Variants in TMEM135 observed in about 807,000 individuals in gnomAD.
TMEM135 encodes the protein transmembrane protein 135, also known as peroxisomal membrane protein 52.
TMEM135 carries 30 observed loss-of-function variants against 60.3 expected under a neutral mutation model. The ratio of observed to expected loss-of-function variants is 0.50; its 90% CI spans 0.37 to 0.68. The LOEUF is 0.68. Among genes scored for constraint, TMEM135 ranks in the 30% least tolerant of loss-of-function variants. The pLI is 0.00. For synonymous variants in TMEM135, 190 were observed against 186.7 expected (o/e 1.02, Z -0.14); for missense variants, 468 against 548.8 (o/e 0.85, Z 1.47).
At chr11:87,217,472 T>C (rs1940526428) in intron 5 of TMEM135, among the ~76,000 whole-genome samples, 1 of 152,130 alleles carries the variant, frequency 6.6e-6, no homozygotes, top group Admixed American at 6.6e-5. Context: ...AAAAATGGAT[T>C]TCAAATAGAA....
At chr11:87,262,439 T>G (rs534471364) in intron 6 of TMEM135, among the ~76,000 whole-genome samples, 2 of 152,248 alleles carry the variant, frequency 1.3e-5, no homozygotes, top group Non-Finnish European at 2.9e-5. Context: ...TCATCTAAAA[T>G]GTAGGTAATA....
At position 87,067,799 on chromosome 11, in the gene TMEM135, A is replaced by G; in HGVS notation, c.247A>G (p.Met83Val). The G allele has an allele frequency of 6.2e-7, 1 of 1,613,850 alleles. No individual in the cohort carries two copies. The highest frequency in any genetic ancestry group is 8.5e-7 in the Non-Finnish European group (1 of 1,179,880). ...TCTAACTGCTAATGGGGCCTTGTAT[A>G]TGGCTTTCTTTTGCATTTTAAGGTT... ...SFLTANGALY[M>V]AFFCILRKIL... Residue 83 changes from methionine to valine, a missense_variant, in exon 2 of 15, where the codon ATG (methionine) becomes GTG (valine). Transcript: ENST00000305494.
chr11:87,237,590 T>C (rs1295182132), intron 6 of TMEM135, among the ~76,000 whole-genome samples: 1 of 151,986 alleles, frequency 6.6e-6, no homozygotes, highest in African/African-American at 2.4e-5. Context: ...TTTTAATTTT[T>C]GTGGGGACAT....
At chr11:87,067,470 C>T (rs1478788787) in intron 1 of TMEM135, among the ~76,000 whole-genome samples, 4 of 152,024 alleles carry the variant, frequency 2.6e-5, no homozygotes, top group Non-Finnish European at 5.9e-5. Context: ...GATTATTCAA[C>T]GTATGACCCA....
chr11:87,172,286 A>C (rs1365837209), intron 5 of TMEM135, among the ~76,000 whole-genome samples: 1 of 152,140 alleles, frequency 6.6e-6, no homozygotes, highest in Non-Finnish European at 1.5e-5. Flanking sequence ...CTTTGAACTC[A>C]AGGAAGGTAC....
At chr11:87,268,691 A>ACAATT (rs1941802125) in intron 6 of TMEM135, among the ~76,000 whole-genome samples, 1 of 152,000 alleles carries the variant, frequency 6.6e-6, no homozygotes, top group Non-Finnish European at 1.5e-5. Context: ...TTTTGGCTGC[A>ACAATT]CAATTAGTAA....
chr11:87,106,491 G>A (rs1378588897), intron 4 of TMEM135, among the ~76,000 whole-genome samples: 1 of 152,120 alleles, frequency 6.6e-6, no homozygotes, highest in African/African-American at 2.4e-5. Flanking sequence ...TGGCATCTAT[G>A]TTCATCAGGG....
chr11:87,281,615 G>C (rs1267175792), intron 6 of TMEM135, among the ~76,000 whole-genome samples: 1 of 152,192 alleles, frequency 6.6e-6, no homozygotes, highest in Admixed American at 6.5e-5. Flanking sequence ...TATACTTGGC[G>C]TGTATGGTAG....
chr11:87,138,063 A>T (rs1938152827), intron 4 of TMEM135, among the ~76,000 whole-genome samples: 1 of 147,704 alleles, frequency 6.8e-6, no homozygotes, highest in South Asian at 2.2e-4. Flanking sequence ...GACATTTATG[A>T]TGTTTAAAAA....
rs1256932733 is a variant in TMEM135 at position 87,327,669 on chromosome 11, G to T, written c.*6336G>T. On this transcript the variant is annotated 3_prime_UTR_variant, in exon 15 of 15. Coordinates refer to ENST00000305494, the MANE Select transcript of TMEM135 (RefSeq NM_022918.4). ...ACCTGGAGACCTTGGGATGCTGGTG[G>T]TCTGGCTCAGTACAAGTCCAAAAGC... 1 of 453,908 alleles carries T rather than the reference G, an allele frequency of 2.2e-6. No individual in the cohort carries two copies. Among genetic ancestry groups the T allele is most frequent in the Non-Finnish European group, 4.4e-6 (1 of 226,792 alleles). The allele number at this position is 453,908 out of a possible 1,614,324, so 28.1% of individuals were successfully genotyped here.
rs542087164 is a variant in TMEM135, at chr11:87,138,988, G to C, written c.397-18353G>C. ...CCTACGAGTATGACATGCAGGCTCT[G>C]TTTCATCTTTCCTGGATTATTCATC... On this transcript the variant is annotated intron_variant, in intron 4 of 14. Transcript: ENST00000305494. Among the ~76,000 whole-genome samples, 3 of 152,252 alleles carry C rather than the reference G, an allele frequency of 2.0e-5. No individual in the cohort carries two copies. In the South Asian group the frequency reaches 6.2e-4, roughly 32 times the overall value.
At chr11:87,087,181 CA>C (rs1857113553) in intron 3 of TMEM135, among the ~76,000 whole-genome samples, 1 of 151,420 alleles carries the variant, frequency 6.6e-6, no homozygotes, top group East Asian at 1.9e-4. Flanking sequence ...AAGAACAGCT[CA>C]AAAACTCCGA....
chr11:87,114,445 TA>T (rs1857827541), intron 4 of TMEM135, among the ~76,000 whole-genome samples: 1 of 152,104 alleles, frequency 6.6e-6, no homozygotes, highest in Non-Finnish European at 1.5e-5. Flanking sequence ...ACAAGCTCCG[TA>T]AAAAACAACA....
intron 5 of TMEM135, among the ~76,000 whole-genome samples, chr11:87,203,777 C>A (rs535869715): frequency 5.3e-5 from 8 of 152,270 alleles, no homozygotes; most frequent in African/African-American, 1.9e-4. Context: ...TTGTAAGAAA[C>A]CACCAAACTG....
rs559913927 is a variant in TMEM135 at position 87,119,448 on chromosome 11, A to G, written c.396+28053A>G. Among the ~76,000 whole-genome samples the G allele has an allele frequency of 5.0e-4, 76 of 152,368 alleles. 1 individual carries two copies. The South Asian group carries it at 0.016, about 31-fold the overall frequency. ...CCAGGCGCGATGGCTCATGCGTGTA[A>G]TCGCAGCACTTTGGGAGGCCAAGGA... On this transcript the variant is annotated intron_variant, in intron 4 of 14. Coordinates refer to ENST00000305494, the MANE Select transcript of TMEM135 (RefSeq NM_022918.4).
chr11:87,157,602 A>G lies in TMEM135; in HGVS notation c.462+196A>G, dbSNP rs560268644. The G allele has an allele frequency of 2.6e-3, 1,387 of 524,626 alleles. 9 individuals are homozygous for G. The highest frequency in any genetic ancestry group is 3.7e-3 in the Non-Finnish European group (1,081 of 292,916). The allele number at this position is 524,626 out of a possible 1,614,324, so 32.5% of individuals were successfully genotyped here. A position where few individuals can be genotyped will look rare whatever the true frequency, so the allele number is the denominator to read the frequency against. On this transcript the variant is annotated intron_variant, in intron 5 of 14. Coordinates refer to ENST00000305494, the MANE Select transcript of TMEM135 (RefSeq NM_022918.4). ...TGGAACCAGATCTTAGATTGAAAACAAATTACTGTCTTTTTACCTTTAGTT... is the reference window on the plus strand; with the variant it reads ...TGGAACCAGATCTTAGATTGAAAACGAATTACTGTCTTTTTACCTTTAGTT...
chr11:87,253,632 C>CAT (rs60680451), intron 6 of TMEM135, among the ~76,000 whole-genome samples: 2 of 128,300 alleles, frequency 1.6e-5, no homozygotes, highest in African/African-American at 2.9e-5. Flanking sequence ...AAGGATGAGC[C>CAT]ATATATATAT....
chr11:87,194,373 C>G (rs654152), intron 5 of TMEM135, among the ~76,000 whole-genome samples: 20,022 of 152,188 alleles, frequency 0.13, 1,374 homozygotes, highest in Non-Finnish European at 0.15. Context: ...TAACTGTATA[C>G]TATTCTGCAA....
At chr11:87,188,101 G>C (rs937603601) in intron 5 of TMEM135, among the ~76,000 whole-genome samples, 1 of 152,068 alleles carries the variant, frequency 6.6e-6, no homozygotes, top group Non-Finnish European at 1.5e-5. Context: ...AACCCCCTTT[G>C]TTGTGATGGT....
Sources: gnomAD v4.1 joint callset for allele counts (sites outside exome capture counted in the v4.1 genomes callset) on GRCh38, gnomAD v4.1.1 for gene constraint, MANE v1.5 for transcripts, NCBI Gene and HGNC (gene_info 2026-07-23, HGNC 2026-07-21) for gene names.